Variants in UST observed in about 807,000 individuals in gnomAD.
The protein encoded by UST is chondroitin sulfate 2-O-sulfotransferase.
UST carries 21 observed loss-of-function variants against 45.6 expected under a neutral mutation model. The ratio of observed to expected loss-of-function variants is 0.46; its 90% CI spans 0.33 to 0.66. The LOEUF (loss-of-function observed/expected upper bound fraction) is 0.66, where lower values mean the gene tolerates loss of function less well. UST is among the 30% of genes least tolerant of loss of function. UST has a pLI of 0.02. For missense variants in UST, 463 were observed against 512.4 expected, an observed-to-expected ratio of 0.90 and a Z score of 0.93; for synonymous variants, 215 against 200.6, an observed-to-expected ratio of 1.07 and a Z score of -0.61.
At chr6:148,953,771 CAAAAAAA>C (rs58266916) in intron 3 of UST, 94 bp from the exon 4 acceptor site, 23 of 267,156 alleles carry the variant, frequency 8.6e-5, no homozygotes, top group African/African-American at 2.1e-4. Context: ...GACTCCATCT[CAAAAAAA>C]AAAAAAAAAA....
In UST at chr6:148,832,783, C is replaced by G. The variant is rs114419566; in HGVS notation, c.248-54203C>G. Among the ~76,000 whole-genome samples, 428 of 152,236 alleles carry G rather than the reference C, an allele frequency of 2.8e-3. 2 individuals are homozygous for G. Among genetic ancestry groups the G allele is most frequent in the African/African-American group, 9.9e-3 (411 of 41,534 alleles). ...GTGTAGTCAGTTTCTATTTGGAGCT[C>G]GGTCAGATGAGTTTTAGTTGATATT... On this transcript the variant is annotated intron_variant, in intron 1 of 7. Coordinates refer to ENST00000367463, the MANE Select transcript of UST (RefSeq NM_005715.3).
rs3074362 is a variant in UST, at chr6:149,029,866, TTGTGTGTGTGTGTGTGTGTGTGTGTG to T, written c.937+8404_937+8429del. On this transcript the variant is annotated intron_variant, in intron 7 of 7. Coordinates refer to ENST00000367463, the MANE Select transcript of UST (RefSeq NM_005715.3). Reference sequence around the variant, plus strand: ...ATCCTAATAATGTCAGCACTGGATCTTGTGTGTGTGTGTGTGTGTGTGTGTGTGTGTGTGTGTGTGTGTGGTGTGTG... The same window carrying T: ...ATCCTAATAATGTCAGCACTGGATCTTGTGTGTGTGTGTGTGTGGTGTGTG... Among the ~76,000 whole-genome samples the T allele has an allele frequency of 2.8e-5, 4 of 140,800 alleles. No homozygotes were observed. In the East Asian group the frequency reaches 6.4e-4, roughly 22 times the overall value. The allele number at this position is 140,800 out of a possible 152,430, so 92.4% of individuals were successfully genotyped here.
At chr6:148,804,938 T>C (rs1319177107) in intron 1 of UST, among the ~76,000 whole-genome samples, 2 of 151,926 alleles carry the variant, frequency 1.3e-5, no homozygotes, top group Non-Finnish European at 2.9e-5. Flanking sequence ...TTCCAGTATA[T>C]AAACCATGTA....
At chr6:148,828,643 G>A (rs142335588) in intron 1 of UST, among the ~76,000 whole-genome samples, 20 of 152,274 alleles carry the variant, frequency 1.3e-4, no homozygotes, top group African/African-American at 4.6e-4. Context: ...AAAATGGAGA[G>A]AGGACTAAAT....
At chr6:148,901,597 A>T (rs1779259818) in intron 2 of UST, among the ~76,000 whole-genome samples, 1 of 139,602 alleles carries the variant, frequency 7.2e-6, no homozygotes, top group African/African-American at 2.7e-5. Context: ...TGCTCTTGTC[A>T]CCCTGACTGG....
At chr6:148,806,668 T>C (rs1205969189) in intron 1 of UST, among the ~76,000 whole-genome samples, 1 of 152,216 alleles carries the variant, frequency 6.6e-6, no homozygotes, top group Non-Finnish European at 1.5e-5. Context: ...ATTTTTATCT[T>C]AGTCTGTTGC....
chr6:148,857,890 GTGGTTTCTCC>G (rs1410437414), intron 1 of UST, among the ~76,000 whole-genome samples: 1 of 151,890 alleles, frequency 6.6e-6, no homozygotes, highest in Non-Finnish European at 1.5e-5. Context: ...CCACAGGATA[GTGGTTTCTCC>G]TGTCAGTGAA....
In UST at chr6:148,887,037, C is replaced by T. The variant is rs1444767260; in HGVS notation, c.291+8C>T. On this transcript the variant is annotated splice_region_variant and intron_variant, in intron 2 of 7. Transcript: ENST00000367463. Reference sequence around the variant, plus strand: ...GGACCACCTCCTAGTAAGGTAAGATCTTTGCTTGTGATATAAGTCCCCTTT... The same window carrying T: ...GGACCACCTCCTAGTAAGGTAAGATTTTTGCTTGTGATATAAGTCCCCTTT... 2 of 1,610,476 alleles carry T rather than the reference C, an allele frequency of 1.2e-6. No homozygotes were observed. Among genetic ancestry groups the T allele is most frequent in the Non-Finnish European group, 1.7e-6 (2 of 1,177,832 alleles).
At chr6:148,788,723 G>T (rs561998734) in intron 1 of UST, among the ~76,000 whole-genome samples, 66 of 152,224 alleles carry the variant, frequency 4.3e-4, no homozygotes, top group African/African-American at 1.5e-3. Context: ...ATTGTCAAGA[G>T]AAACTCAACT....
At chr6:148,775,639 T>TGGGG (rs141490949) in intron 1 of UST, among the ~76,000 whole-genome samples, 10 of 150,916 alleles carry the variant, frequency 6.6e-5, no homozygotes, top group South Asian at 2.1e-4. Flanking sequence ...TTTTTTTTTT[T>TGGGG]GGGGCGGGGA....
At chr6:148,788,173 T>C (rs965260686) in intron 1 of UST, among the ~76,000 whole-genome samples, 2 of 152,080 alleles carry the variant, frequency 1.3e-5, no homozygotes, top group Non-Finnish European at 2.9e-5. Flanking sequence ...AACCATCAGA[T>C]CTTGTGAGAC....
At chr6:148,940,794 T>G (rs933388312) in intron 2 of UST, among the ~76,000 whole-genome samples, 1 of 152,242 alleles carries the variant, frequency 6.6e-6, no homozygotes, top group African/African-American at 2.4e-5. Flanking sequence ...TTTTTTCATG[T>G]GCTTGTTGGC....
At chr6:148,836,721 C>T (rs969901474) in intron 1 of UST, among the ~76,000 whole-genome samples, 1 of 152,106 alleles carries the variant, frequency 6.6e-6, no homozygotes, top group South Asian at 2.1e-4. Flanking sequence ...AACACAGAGG[C>T]CCTGCAAAAA....
intron 5 of UST, among the ~76,000 whole-genome samples, chr6:149,009,209 G>A (rs1386278976): frequency 1.3e-5 from 2 of 152,142 alleles, no homozygotes; most frequent in African/African-American, 4.8e-5. Context: ...AAATATGATT[G>A]TCATGATCAA....
intron 2 of UST, among the ~76,000 whole-genome samples, chr6:148,925,357 A>G (rs1779791218): frequency 1.3e-5 from 2 of 152,248 alleles, no homozygotes; most frequent in African/African-American, 2.4e-5. Context: ...AGCTTTTTCA[A>G]CAGATAAGGA....
At chr6:148,930,217 T>C (rs1779894864) in intron 2 of UST, among the ~76,000 whole-genome samples, 1 of 152,216 alleles carries the variant, frequency 6.6e-6, no homozygotes, top group Non-Finnish European at 1.5e-5. Flanking sequence ...GCAAGCAGTG[T>C]CAGCGTTCAA....
intron 2 of UST, among the ~76,000 whole-genome samples, chr6:148,899,192 C>T (rs1464173540): frequency 1.4e-5 from 2 of 144,652 alleles, no homozygotes; most frequent in Non-Finnish European, 3.0e-5. Flanking sequence ...CTCCGCCTCC[C>T]GGGTTCACAC....
intron 1 of UST, among the ~76,000 whole-genome samples, chr6:148,864,482 C>T (rs1427590010): frequency 1.3e-5 from 2 of 152,226 alleles, no homozygotes; most frequent in African/African-American, 4.8e-5. Flanking sequence ...CCTGCTTCGG[C>T]TCATGCTCCA....
intron 5 of UST, among the ~76,000 whole-genome samples, chr6:148,995,988 G>A (rs1781446620): frequency 1.3e-5 from 2 of 152,178 alleles, no homozygotes; most frequent in Non-Finnish European, 2.9e-5. Flanking sequence ...GGGGGTGGGG[G>A]CAGAGTGGGG....
Sources: gnomAD v4.1 joint callset for allele counts (sites outside exome capture counted in the v4.1 genomes callset) on GRCh38, gnomAD v4.1.1 for gene constraint, MANE v1.5 for transcripts, NCBI Gene and HGNC (gene_info 2026-07-23, HGNC 2026-07-21) for gene names.